The following TMEM231 variants were observed in gnomAD, a reference collection of about 807,000 sequenced individuals.
TMEM231 encodes transmembrane protein 231.
TMEM231 carries 40 observed loss-of-function variants against 38.5 expected under a neutral mutation model. The observed-to-expected ratio is 1.04, with a 90% CI of 0.81 to 1.35. The LOEUF is 1.35. Among genes scored for constraint, TMEM231 ranks in the 40% most tolerant of loss-of-function variants. The pLI is 0.00. For synonymous variants in TMEM231, 199 were observed against 181.7 expected, an observed-to-expected ratio of 1.10 and a Z score of -0.77; for missense variants, 420 against 416.9, an observed-to-expected ratio of 1.01 and a Z score of -0.07.
rs911309277 is a variant in TMEM231 at position 75,555,664 on chromosome 16, G to T, written c.309+140C>A. 6.0e-6 allele frequency: 5 copies of T among 829,372 alleles called. No individual in the cohort carries two copies. The African/African-American group carries it at 7.2e-5, about 12-fold the overall frequency. 51.4% of individuals were successfully genotyped at this position (829,372 alleles called of 1,614,324 possible). On this transcript the variant is annotated intron_variant, in intron 2 of 6. Transcript: ENST00000258173. Reference sequence around the variant, plus strand: ...TTCCCTAGGTCCTAGGAGATGAAACGCCACCTTTGCGGGTTCGCGAGTCCT... The same window carrying T: ...TTCCCTAGGTCCTAGGAGATGAAACTCCACCTTTGCGGGTTCGCGAGTCCT...
intron 2 of TMEM231, 171 bp downstream of exon 2, chr16:75,555,633 G>T: frequency 5.0e-6 from 3 of 600,968 alleles, no homozygotes; most frequent in African/African-American, 1.9e-5. Context: ...TGAAACAGAA[G>T]ATCGATTCCC....
In TMEM231 at chr16:75,538,613, A is replaced by ATG. The variant is rs2080585719; in HGVS notation, c.*1380_*1381insCA. The stretch of plus-strand genomic sequence containing the variant: ...ACTGTTTTAGTAAGCCTAAAGGAGC[A>ATG]CTAAAAACGACAACTGATCTCCAAA... On this transcript the variant is annotated 3_prime_UTR_variant, in exon 7 of 7. Coordinates refer to ENST00000258173, the MANE Select transcript of TMEM231 (RefSeq NM_001077418.3). 1.3e-5 allele frequency: 2 copies of ATG among 151,632 alleles called. No homozygotes were observed. Among genetic ancestry groups the ATG allele is most frequent in the African/African-American group, 4.9e-5 (2 of 40,932 alleles). The allele number at this position is 151,632 out of a possible 1,614,324, so 9.4% of individuals were successfully genotyped here.
chr16:75,555,706 C>T (rs2080801991), intron 2 of TMEM231, 98 bp downstream of exon 2: 1 of 1,289,976 alleles, frequency 7.8e-7, no homozygotes, highest in Non-Finnish European at 1.0e-6. Flanking sequence ...CAAAGCTGGG[C>T]TCCCCAGGGC....
intron 4 of TMEM231, among the ~76,000 whole-genome samples, chr16:75,544,947 T>TC (rs10673726): frequency 2.5e-5 from 1 of 40,772 alleles, no homozygotes; most frequent in Non-Finnish European, 3.3e-5. Flanking sequence ...TCTTTTCTTT[T>TC]TCTTTTTTTT....
chr16:75,542,802 T>G, intron 4 of TMEM231, 119 bp from the exon 5 acceptor site: 1 of 736,156 alleles, frequency 1.4e-6, no homozygotes, highest in South Asian at 1.8e-5. Flanking sequence ...GGTGGCCTAC[T>G]GCAGTATCAA....
intron 6 of TMEM231, 32 bp downstream of exon 6, chr16:75,541,318 C>T (rs756891705): frequency 6.5e-7 from 1 of 1,531,808 alleles, no homozygotes; most frequent in Admixed American, 1.8e-5. Context: ...CCACATCCAG[C>T]CTTAACATGG....
chr16:75,545,985 G>A (rs751011033), intron 2 of TMEM231, 31 bp from the exon 3 acceptor site: 9 of 1,555,342 alleles, frequency 5.8e-6, no homozygotes, highest in Non-Finnish European at 7.8e-6. Flanking sequence ...CAGCAGCCCT[G>A]GTCACTAATG....
chr16:75,547,765 G>A (rs560554378), intron 2 of TMEM231, among the ~76,000 whole-genome samples: 4 of 152,030 alleles, frequency 2.6e-5, no homozygotes, highest in African/African-American at 9.7e-5. Context: ...GTGACAGAGC[G>A]AGACTCCATC....
Position 75,537,399 on chromosome 16 carries a change from G to C in TMEM231, c.*2595C>G, listed in dbSNP as rs985034609. On this transcript the variant is annotated 3_prime_UTR_variant, in exon 7 of 7. Transcript: ENST00000258173. ...TGTACTAATCATTTGGCAAAATCAG[G>C]AGTCTTTCTGCCTCCAAATATTCAG... 1 of 151,894 alleles carries C rather than the reference G, an allele frequency of 6.6e-6. No homozygotes were observed. 9.4% of individuals were successfully genotyped at this position (151,894 alleles called of 1,614,324 possible).
At position 75,540,152 on chromosome 16, in the gene TMEM231, T is replaced by C. The variant is rs766469530; in HGVS notation, c.793A>G (p.Met265Val). 2.2e-5 allele frequency: 35 copies of C among 1,613,308 alleles called. No homozygotes were observed. The South Asian group carries it at 3.5e-4, about 16-fold the overall frequency. Residue 265 changes from methionine to valine, a missense_variant, in exon 7 of 7, where the codon ATG becomes GTG. Met to Val is a conservative substitution (Grantham distance 21, BLOSUM62 1). Transcript: ENST00000258173. ...VISYQPGFWE[M>V]VKFAWVQYVS... is the part of the protein sequence containing the mutation. ...TACTGCACCCAGGCGAACTTTACCA[T>C]CTCCCAGAATCCTGGCTGATAAGTA...
At chr16:75,543,524 C>T (rs1353370214) in intron 4 of TMEM231, among the ~76,000 whole-genome samples, 1 of 152,098 alleles carries the variant, frequency 6.6e-6, no homozygotes, top group Non-Finnish European at 1.5e-5. Flanking sequence ...GAGCCGAGAT[C>T]ATGCCACTCC....
intron 4 of TMEM231, 56 bp downstream of exon 4, chr16:75,545,296 T>G: frequency 6.4e-7 from 1 of 1,572,542 alleles, no homozygotes. Flanking sequence ...TTTAAAGAAC[T>G]TAATGAACAG....
At chr16:75,542,439 G>A in intron 5 of TMEM231, 163 bp downstream of exon 5, 2 of 688,542 alleles carry the variant, frequency 2.9e-6, no homozygotes, top group East Asian at 2.8e-5. Context: ...CTGAAGATCA[G>A]GACGAAAAAG....
In TMEM231 at chr16:75,545,908, T is replaced by G; in HGVS notation, c.356A>C (p.His119Pro). The G allele has an allele frequency of 6.6e-7, 1 of 1,504,736 alleles. No individual in the cohort carries two copies. Among genetic ancestry groups the G allele is most frequent in the Non-Finnish European group, 8.9e-7 (1 of 1,124,534 alleles). 93.2% of individuals were successfully genotyped at this position (1,504,736 alleles called of 1,614,324 possible). ...RNQDGKTDML[H>P]FKLELPLQST... Reference sequence around the variant, plus strand: ...CTGCAGGGGAAGCTCCAGCTTAAAATGTAACATGTCCGTCTTCCCATCCTG... The same window carrying G: ...CTGCAGGGGAAGCTCCAGCTTAAAAGGTAACATGTCCGTCTTCCCATCCTG... Residue 119 changes from histidine (H) to proline (P), a missense_variant, in exon 3 of 7, where the codon CAT becomes CCT. Coordinates refer to ENST00000258173, the MANE Select transcript of TMEM231 (RefSeq NM_001077418.3).
Position 75,538,732 on chromosome 16 carries a change from G to C in TMEM231, c.*1262C>G, listed in dbSNP as rs1343008475. On this transcript the variant is annotated 3_prime_UTR_variant, in exon 7 of 7. Transcript: ENST00000258173. ...TCCTTCCAGTGGCAATGACCTGCTT[G>C]GGATCAGGAAGCAGCTCCATGTGTT... The C allele has an allele frequency of 2.6e-5, 4 of 152,188 alleles. No individual in the cohort carries two copies. The highest frequency in any genetic ancestry group is 6.5e-5 in the Admixed American group (1 of 15,274). The allele number at this position is 152,188 out of a possible 1,614,324, so 9.4% of individuals were successfully genotyped here. A position where few individuals can be genotyped will look rare whatever the true frequency, so the allele number is the denominator to read the frequency against.
At chr16:75,548,183 T>C (rs2080716249) in intron 2 of TMEM231, among the ~76,000 whole-genome samples, 1 of 152,198 alleles carries the variant, frequency 6.6e-6, no homozygotes, top group African/African-American at 2.4e-5. Context: ...TCAAATCTGG[T>C]CCTCTTTTTA....
chr16:75,543,703 T>A (rs181850856), intron 4 of TMEM231, among the ~76,000 whole-genome samples: 1 of 152,248 alleles, frequency 6.6e-6, no homozygotes, highest in Non-Finnish European at 1.5e-5. Context: ...TATAGAGATA[T>A]AGATAAAATG....
intron 2 of TMEM231, chr16:75,555,281 C>T (rs534069712): frequency 6.5e-6 from 1 of 154,020 alleles, no homozygotes; most frequent in South Asian, 2.1e-4. Flanking sequence ...TGGGACAAAC[C>T]CAGGGAGGCG....
rs772279969 is a variant in TMEM231 at position 75,546,055 on chromosome 16, C to T, written c.310-101G>A. On this transcript the variant is annotated intron_variant, in intron 2 of 6. Coordinates refer to ENST00000258173, the MANE Select transcript of TMEM231 (RefSeq NM_001077418.3). ...CACAATGACCCACTGTCTTGCTGTA[C>T]ACAACAGGCATTATCTCCTCCACTA... 31 of 1,553,436 alleles carry T rather than the reference C, an allele frequency of 2.0e-5. No homozygotes were observed. In the Middle Eastern group the frequency reaches 6.7e-4, roughly 33 times the overall value.
Sources: allele counts gnomAD v4.1 joint callset (sites outside exome capture counted in the v4.1 genomes callset), GRCh38; gene constraint gnomAD v4.1.1; transcripts MANE v1.5; gene names NCBI Gene and HGNC (gene_info 2026-07-23, HGNC 2026-07-21).